The following NDUFAF1 variants were observed in gnomAD, a reference collection of about 807,000 sequenced individuals.
The protein encoded by NDUFAF1 is NADH:ubiquinone oxidoreductase complex assembly factor 1, also known as complex I intermediate-associated protein 30, mitochondrial.
A neutral mutation model predicts 28.7 loss-of-function variants in NDUFAF1; 18 were observed. The observed-to-expected ratio is 0.63, with a 90% CI of 0.43 to 0.93. The LOEUF (loss-of-function observed/expected upper bound fraction) is 0.93. Among genes scored for constraint, NDUFAF1 ranks in the 40% least tolerant of loss-of-function variants. NDUFAF1 has a pLI of 0.00. For missense variants in NDUFAF1, 404 were observed against 398.3 expected, an observed-to-expected ratio of 1.01 and a Z score of -0.12; for synonymous variants, 113 against 139.7, an observed-to-expected ratio of 0.81 and a Z score of 1.35.
intron 3 of NDUFAF1, among the ~76,000 whole-genome samples, chr15:41,391,836 G>T (rs1469753831): frequency 6.6e-6 from 1 of 152,028 alleles, no homozygotes; most frequent in Non-Finnish European, 1.5e-5. Flanking sequence ...TGAATGACAG[G>T]AAAGAGAAAG....
At chr15:41,393,622 G>A (rs1369272688) in intron 3 of NDUFAF1, among the ~76,000 whole-genome samples, 4 of 134,516 alleles carry the variant, frequency 3.0e-5, no homozygotes, top group Admixed American at 7.9e-5. Flanking sequence ...TCACTCTGTC[G>A]CCAGGCTGGA....
At chr15:41,392,703 G>A (rs1214882644) in intron 3 of NDUFAF1, among the ~76,000 whole-genome samples, 1 of 152,134 alleles carries the variant, frequency 6.6e-6, no homozygotes, top group Non-Finnish European at 1.5e-5. Context: ...GCAGAACTGT[G>A]AGTCAATTAA....
intron 1 of NDUFAF1, among the ~76,000 whole-genome samples, chr15:41,398,845 C>A (rs183995415): frequency 6.6e-6 from 1 of 151,940 alleles, no homozygotes; most frequent in Admixed American, 6.6e-5. Context: ...ATCCCAGCTA[C>A]TGGGGAGGCT....
chr15:41,399,361 A>G (rs1595410812), intron 1 of NDUFAF1, among the ~76,000 whole-genome samples: 1 of 151,010 alleles, frequency 6.6e-6, no homozygotes, highest in Non-Finnish European at 1.5e-5. Context: ...GTGCCATTGC[A>G]CTCCAGCCTG....
intron 1 of NDUFAF1, among the ~76,000 whole-genome samples, chr15:41,401,084 T>A (rs1344623157): frequency 6.6e-6 from 1 of 151,352 alleles, no homozygotes; most frequent in Non-Finnish European, 1.5e-5. Context: ...GCCTCCTGAA[T>A]AGCTGGGATT....
chr15:41,401,267 CTTTTT>C (rs755063294), intron 1 of NDUFAF1, among the ~76,000 whole-genome samples: 2 of 111,226 alleles, frequency 1.8e-5, no homozygotes, highest in African/African-American at 6.3e-5. Context: ...GGCGCCCAAC[CTTTTT>C]TTTTTTTTTT....
At chr15:41,397,492 A>G (rs2050406216) in intron 1 of NDUFAF1, among the ~76,000 whole-genome samples, 1 of 152,192 alleles carries the variant, frequency 6.6e-6, no homozygotes, top group South Asian at 2.1e-4. Context: ...AGGTGGGTGG[A>G]TCACGAGGTC....
intron 1 of NDUFAF1, among the ~76,000 whole-genome samples, chr15:41,397,670 G>C (rs2050408345): frequency 6.6e-6 from 1 of 151,400 alleles, no homozygotes; most frequent in Non-Finnish European, 1.5e-5. Context: ...GTGGTGGCGG[G>C]CGCCTGTAGT....
chr15:41,388,397 G>A (rs761755490), intron 4 of NDUFAF1, 51 bp downstream of exon 4: 33 of 1,389,200 alleles, frequency 2.4e-5, no homozygotes, highest in African/African-American at 2.9e-5. Flanking sequence ...CCAGAGTTCC[G>A]ATTCATTAAA....
In NDUFAF1 at chr15:41,402,107, GAAGT is replaced by G. The variant is rs544030008; in HGVS notation, c.-82+33_-82+36del. 3,281 of 429,222 alleles carry G rather than the reference GAAGT, an allele frequency of 7.6e-3. 39 individuals are homozygous for G. Among genetic ancestry groups the G allele is most frequent in the Middle Eastern group, 0.018 (24 of 1,360 alleles). 26.6% of individuals were successfully genotyped at this position (429,222 alleles called of 1,614,324 possible). On this transcript the variant is annotated intron_variant, in intron 1 of 4. Coordinates refer to ENST00000260361, the MANE Select transcript of NDUFAF1 (RefSeq NM_016013.4). ...TTTGACAACACAATCCACGCAGCTA[GAAGT>G]GAGTAGAATTAGTAAAGCTATCCAT... is the stretch of plus-strand genomic sequence containing the variant.
intron 1 of NDUFAF1, among the ~76,000 whole-genome samples, chr15:41,399,729 G>A (rs1398945473): frequency 2.7e-5 from 4 of 147,070 alleles, no homozygotes; most frequent in East Asian, 2.0e-4. Context: ...AGTGGCGGGC[G>A]CCTGTAGTCC....
Position 41,387,360 on chromosome 15 carries a change from C to T in NDUFAF1, c.*84G>A. 1 of 1,327,688 alleles carries T rather than the reference C, an allele frequency of 7.5e-7. No homozygotes were observed. Among genetic ancestry groups the T allele is most frequent in the Non-Finnish European group, 1.1e-6 (1 of 928,998 alleles). The allele number at this position is 1,327,688 out of a possible 1,614,324, so 82.2% of individuals were successfully genotyped here. ...ATACATACTAGCCATTGGTTGGATG[C>T]CATTAAAGAAATATTTTATTTTGTC... On this transcript the variant is annotated 3_prime_UTR_variant, in exon 5 of 5. Coordinates refer to ENST00000260361, the MANE Select transcript of NDUFAF1 (RefSeq NM_016013.4).
chr15:41,391,819 C>T (rs1008626692), intron 3 of NDUFAF1, among the ~76,000 whole-genome samples: 18 of 151,864 alleles, frequency 1.2e-4, no homozygotes, highest in South Asian at 6.2e-4. Context: ...ACTTTTGAGC[C>T]GAGAGGTGAA....
At chr15:41,400,023 G>A (rs1346649698) in intron 1 of NDUFAF1, among the ~76,000 whole-genome samples, 1 of 151,932 alleles carries the variant, frequency 6.6e-6, no homozygotes, top group Non-Finnish European at 1.5e-5. Context: ...TCAAGCCACT[G>A]CACTCCAGCT....
intron 3 of NDUFAF1, among the ~76,000 whole-genome samples, chr15:41,392,027 G>A (rs1486074586): frequency 2.0e-5 from 3 of 150,806 alleles, no homozygotes; most frequent in Non-Finnish European, 4.4e-5. Context: ...GTCCGATATT[G>A]TAGGCCCATA....
At chr15:41,400,903 A>C (rs1157364330) in intron 1 of NDUFAF1, among the ~76,000 whole-genome samples, 2 of 151,674 alleles carry the variant, frequency 1.3e-5, no homozygotes, top group Non-Finnish European at 2.9e-5. Flanking sequence ...AAATCCTATG[A>C]AACAAGTCAG....
rs187999925 is a variant in NDUFAF1 at position 41,389,436 on chromosome 15, G to A, written c.760-914C>T. On this transcript the variant is annotated intron_variant, in intron 3 of 4. Transcript: ENST00000260361. ...TAAATTTTAAAAACACAAAAAACAG[G>A]TACAGAGTATGCTAATTTTATTTAT... Among the ~76,000 whole-genome samples, 381 of 152,016 alleles carry A rather than the reference G, an allele frequency of 2.5e-3. 1 individual carries two copies. The highest frequency in any genetic ancestry group is 6.4e-3 in the South Asian group (31 of 4,810).
At position 41,394,922 on chromosome 15, in the gene NDUFAF1, C is replaced by G; in HGVS notation, c.696G>C (p.Arg232Ser). The change falls in exon 3 of 5, where the codon AGG becomes AGC. Residue 232 changes from arginine to serine, a missense_variant. Transcript: ENST00000260361. The part of the protein sequence containing the change: ...NIKEDTDFFQ[R>S]TNQMYSYFMF... ...TGAAGTAACTATACATCTGATTCGT[C>G]CTCTGGAAGAAATCTGTGTCCTCCT... 1.9e-6 allele frequency: 3 copies of G among 1,614,134 alleles called. No individual in the cohort carries two copies. The South Asian group carries it at 3.3e-5, about 18-fold the overall frequency.
In NDUFAF1 at chr15:41,396,677, C is replaced by T. The variant is rs1015209588; in HGVS notation, c.383G>A (p.Arg128Gln). ...CCACTTATCCAAATCTTCTTTCCCC[C>T]GGAATTGCCAGACAACCTTGGCTTG... ...LEQAKVVWQF[R>Q]GKEDLDKWTV... The change falls in exon 2 of 5, where the codon CGG (arginine) becomes CAG (glutamine). Residue 128 changes from arginine to glutamine, a missense_variant. By Grantham distance (43) the Arg-to-Gln change is conservative. Transcript: ENST00000260361. The T allele has an allele frequency of 9.3e-6, 15 of 1,614,046 alleles. No homozygotes were observed. Among genetic ancestry groups the T allele is most frequent in the East Asian group, 2.2e-5 (1 of 44,892 alleles).
Sources: gnomAD v4.1 joint callset for allele counts (sites outside exome capture counted in the v4.1 genomes callset) on GRCh38, gnomAD v4.1.1 for gene constraint, MANE v1.5 for transcripts, NCBI Gene and HGNC (gene_info 2026-07-23, HGNC 2026-07-21) for gene names.